MRPL48: variants seen among roughly 807,000 people sequenced by gnomAD.
The protein encoded by MRPL48 is large ribosomal subunit protein mL48.
MRPL48 carries 16 observed loss-of-function variants against 32.9 expected under a neutral mutation model. That is an observed-to-expected ratio of 0.49 (90% CI 0.33 to 0.74). MRPL48 has a LOEUF of 0.74. Among genes scored for constraint, MRPL48 ranks in the 30% least tolerant of loss-of-function variants. The probability of loss-of-function intolerance (pLI) is 0.02; values close to 1 mark genes in which losing one functional copy is unlikely to be tolerated. For missense variants in MRPL48, 206 were observed against 245.3 expected (o/e 0.84, Z 1.07); for synonymous variants, 94 against 89.2 (o/e 1.05, Z -0.31).
chr11:73,806,141 A>G (rs947194721), intron 2 of MRPL48, among the ~76,000 whole-genome samples: 25 of 152,066 alleles, frequency 1.6e-4, no homozygotes, highest in Non-Finnish European at 4.4e-5. Flanking sequence ...AACATTATGA[A>G]CATAAGAATG....
In MRPL48 at chr11:73,822,875, C is replaced by T. The variant is rs1421776911; in HGVS notation, c.113-2833C>T. ...CTATCACCTGAGCTCTGTCTCCTCT[C>T]AGATCAGCTGTGGCGTTAGATTCTC... On this transcript the variant is annotated intron_variant, in intron 3 of 7. Coordinates refer to ENST00000310614, the MANE Select transcript of MRPL48 (RefSeq NM_016055.6). The T allele has an allele frequency of 5.0e-5, 18 of 356,772 alleles. No homozygotes were observed. The Admixed American group carries it at 5.4e-4, about 11-fold the overall frequency. The allele number at this position is 356,772 out of a possible 1,614,324, so 22.1% of individuals were successfully genotyped here. A position where few individuals can be genotyped will look rare whatever the true frequency, so the allele number is the denominator to read the frequency against.
chr11:73,814,620 G>C (rs2134984910), intron 3 of MRPL48, among the ~76,000 whole-genome samples: 1 of 152,026 alleles, frequency 6.6e-6, no homozygotes, highest in Non-Finnish European at 1.5e-5. Context: ...GCTTGAACCT[G>C]GGAGGCGGAG....
At chr11:73,813,857 T>C (rs1026947631) in intron 3 of MRPL48, among the ~76,000 whole-genome samples, 18 of 151,554 alleles carry the variant, frequency 1.2e-4, no homozygotes, top group African/African-American at 4.1e-4. Flanking sequence ...CTGGCTAACA[T>C]GGTGAAACCC....
chr11:73,817,157 A>G (rs1455847837), intron 3 of MRPL48, among the ~76,000 whole-genome samples: 1 of 152,158 alleles, frequency 6.6e-6, no homozygotes, highest in African/African-American at 2.4e-5. Flanking sequence ...TGAAGTTGGC[A>G]TCAAATAGGG....
chr11:73,843,223 T>TC (rs1413563011), intron 4 of MRPL48: 1 of 145,598 alleles, frequency 6.9e-6, no homozygotes, highest in African/African-American at 2.5e-5. Flanking sequence ...TGTTTTAACT[T>TC]TTTTTTTTTT....
At chr11:73,848,604 C>T (rs1453413151) in intron 5 of MRPL48, among the ~76,000 whole-genome samples, 1 of 151,150 alleles carries the variant, frequency 6.6e-6, no homozygotes, top group Non-Finnish European at 1.5e-5. Flanking sequence ...TCTCCATTTA[C>T]AGTATTTAGA....
rs1478323726 is a variant in MRPL48 at position 73,864,964 on chromosome 11, T to C, written c.*594T>C. The C allele has an allele frequency of 6.5e-6, 1 of 152,952 alleles. No homozygotes were observed. The highest frequency in any genetic ancestry group is 1.5e-5 in the Non-Finnish European group (1 of 68,570). The allele number at this position is 152,952 out of a possible 1,614,324, so 9.5% of individuals were successfully genotyped here. A position where few individuals can be genotyped will look rare whatever the true frequency, so the allele number is the denominator to read the frequency against. On this transcript the variant is annotated 3_prime_UTR_variant, in exon 8 of 8. Transcript: ENST00000310614. ...CCGCCACCACACCTGGCTAATTTTT[T>C]GTATTTTTAGTAGAGACGGGGTTTT... is the stretch of plus-strand genomic sequence containing the variant.
chr11:73,796,849 G>C (rs1470580192), intron 1 of MRPL48, among the ~76,000 whole-genome samples: 1 of 152,218 alleles, frequency 6.6e-6, no homozygotes, highest in Admixed American at 6.5e-5. Flanking sequence ...CAGATCACCT[G>C]AGGTCAGGAG....
intron 1 of MRPL48, among the ~76,000 whole-genome samples, chr11:73,799,510 A>G (rs866719544): frequency 6.6e-6 from 1 of 152,164 alleles, no homozygotes; most frequent in South Asian, 2.1e-4. Flanking sequence ...AACATGACTT[A>G]TTAGTTGTGT....
chr11:73,837,763 C>T (rs56118151), intron 4 of MRPL48, among the ~76,000 whole-genome samples: 1 of 152,180 alleles, frequency 6.6e-6, no homozygotes, highest in Non-Finnish European at 1.5e-5. Flanking sequence ...ACTTCCTTTC[C>T]TTTCCTGCCT....
At chr11:73,826,251 C>T (rs1373004329) in intron 4 of MRPL48, among the ~76,000 whole-genome samples, 1 of 151,694 alleles carries the variant, frequency 6.6e-6, no homozygotes, top group Non-Finnish European at 1.5e-5. Flanking sequence ...AGCTCCTGGC[C>T]TCAAGTGATC....
At chr11:73,813,270 C>G (rs1040688999) in intron 3 of MRPL48, among the ~76,000 whole-genome samples, 6 of 152,078 alleles carry the variant, frequency 3.9e-5, no homozygotes, top group African/African-American at 1.4e-4. Flanking sequence ...CTCCTAGGTT[C>G]AAGTGGTTCT....
intron 4 of MRPL48, among the ~76,000 whole-genome samples, chr11:73,843,796 T>C (rs936407280): frequency 6.6e-6 from 1 of 152,008 alleles, no homozygotes; most frequent in African/African-American, 2.4e-5. Context: ...TTTTGGGGCT[T>C]GGCCAGGAGC....
intron 3 of MRPL48, among the ~76,000 whole-genome samples, chr11:73,814,490 T>G (rs111577221): frequency 0.14 from 21,643 of 151,332 alleles, 1,604 homozygotes; most frequent in African/African-American, 0.16. Context: ...AGGTCAGGAG[T>G]TCGAGACCAG....
intron 5 of MRPL48, among the ~76,000 whole-genome samples, chr11:73,857,667 T>C (rs1332705025): frequency 6.9e-6 from 1 of 145,118 alleles, no homozygotes; most frequent in Non-Finnish European, 1.5e-5. Flanking sequence ...TGATCTCGGC[T>C]CACTGCAACC....
At chr11:73,846,932 A>G (rs1322302665) in intron 5 of MRPL48, among the ~76,000 whole-genome samples, 4 of 150,078 alleles carry the variant, frequency 2.7e-5, no homozygotes, top group African/African-American at 7.4e-5. Flanking sequence ...TTTTGTAGAG[A>G]TGGGGCCTCA....
At chr11:73,837,279 C>A (rs1338389817) in intron 4 of MRPL48, among the ~76,000 whole-genome samples, 1 of 152,188 alleles carries the variant, frequency 6.6e-6, no homozygotes, top group African/African-American at 2.4e-5. Flanking sequence ...GGGCTGCAGA[C>A]TCAGCTTCCA....
chr11:73,804,517 G>T (rs531628021), intron 1 of MRPL48, among the ~76,000 whole-genome samples: 1 of 149,490 alleles, frequency 6.7e-6, no homozygotes, highest in Middle Eastern at 3.5e-3. Flanking sequence ...TGATCTGCCC[G>T]CCTCAGCCTC....
rs759628609 is a variant in MRPL48, at chr11:73,790,374, C to CTTTTT, written c.21+2406_21+2410dup. ...ACAGGTGTGAGCCACCGCACCCGGCCTTTTTTTTTTTTTTTTTTTTTTTTT... is the reference window on the plus strand; with the variant it reads ...ACAGGTGTGAGCCACCGCACCCGGCCTTTTTTTTTTTTTTTTTTTTTTTTTTTTTT... On this transcript the variant is annotated intron_variant, in intron 1 of 7. Transcript: ENST00000310614. 3.4e-4 allele frequency among the ~76,000 whole-genome samples: 20 copies of CTTTTT among 58,022 alleles called. 4 individuals are homozygous for CTTTTT. The highest frequency in any genetic ancestry group is 1.1e-3 in the African/African-American group (11 of 10,258). 38.1% of individuals were successfully genotyped at this position (58,022 alleles called of 152,430 possible).
Sources: gnomAD v4.1 joint callset for allele counts (sites outside exome capture counted in the v4.1 genomes callset) on GRCh38, gnomAD v4.1.1 for gene constraint, MANE v1.5 for transcripts, NCBI Gene and HGNC (gene_info 2026-07-23, HGNC 2026-07-21) for gene names.